SNX13: variants seen among roughly 807,000 people sequenced by gnomAD.
SNX13 encodes the protein sorting nexin-13.
SNX13 carries 45 observed loss-of-function variants against 133.6 expected under a neutral mutation model. That is an observed-to-expected ratio of 0.34 (90% confidence interval 0.27 to 0.43). SNX13 has a LOEUF of 0.43. SNX13 is among the 20% of genes least tolerant of loss of function. The probability of loss-of-function intolerance (pLI) is 1.00; values close to 1 mark genes in which losing one functional copy is unlikely to be tolerated. For synonymous variants in SNX13, 414 were observed against 373.9 expected, an observed-to-expected ratio of 1.11 and a Z score of -1.24; for missense variants, 1,032 against 1,145.1, an observed-to-expected ratio of 0.90 and a Z score of 1.43.
chr7:17,931,057 T>C (rs1409632690), intron 1 of SNX13, among the ~76,000 whole-genome samples: 2 of 152,178 alleles, frequency 1.3e-5, no homozygotes, highest in East Asian at 1.9e-4. Context: ...AGCCCATTTA[T>C]TTTACTCTCC....
intron 16 of SNX13, among the ~76,000 whole-genome samples, 178 bp from the exon 17 acceptor site, chr7:17,826,269 A>T (rs1305260871): frequency 6.6e-6 from 1 of 152,014 alleles, no homozygotes; most frequent in Non-Finnish European, 1.5e-5. Context: ...GGCTAACAGA[A>T]AAAAAGCAAA....
At chr7:17,939,493 GTTGCT>G (rs1221305367) in intron 1 of SNX13, among the ~76,000 whole-genome samples, 3 of 152,210 alleles carry the variant, frequency 2.0e-5, no homozygotes, top group Admixed American at 6.5e-5. Flanking sequence ...CCCTTAAAGT[GTTGCT>G]AGTAAAGGCA....
intron 1 of SNX13, among the ~76,000 whole-genome samples, chr7:17,936,842 A>G (rs1438781290): frequency 6.7e-6 from 1 of 148,748 alleles, no homozygotes. Flanking sequence ...AAAAAAAAGA[A>G]AAAAAAAGAA....
chr7:17,829,460 T>TA lies in SNX13; in HGVS notation c.1635+549dup, dbSNP rs1220502721. Among the ~76,000 whole-genome samples the TA allele has an allele frequency of 2.0e-5, 3 of 151,638 alleles. No individual in the cohort carries two copies. In the East Asian group the frequency reaches 5.8e-4, roughly 29 times the overall value. Reference sequence around the variant, plus strand: ...TTGAGATTCTAAAAACATGCCATTCTAACCTCTAATCATTAAGGATGTAGT... The same window carrying TA: ...TTGAGATTCTAAAAACATGCCATTCTAAACCTCTAATCATTAAGGATGTAGT... On this transcript the variant is annotated intron_variant, in intron 16 of 25. Coordinates refer to ENST00000428135, the MANE Select transcript of SNX13 (RefSeq NM_015132.5).
chr7:17,870,412 G>GA (rs1196903805), intron 8 of SNX13, among the ~76,000 whole-genome samples: 4 of 151,738 alleles, frequency 2.6e-5, no homozygotes, highest in East Asian at 1.9e-4. Context: ...AGAGCTAAAG[G>GA]AAAAAAAACT....
intron 1 of SNX13, among the ~76,000 whole-genome samples, chr7:17,925,834 T>C (rs1334618889): frequency 2.0e-5 from 3 of 151,526 alleles, no homozygotes; most frequent in Non-Finnish European, 4.4e-5. Flanking sequence ...GAGGAGAAAG[T>C]GGAGGAGGAA....
rs1013139810 is a variant in SNX13 at position 17,813,587 on chromosome 7, CT to C, written c.2064+1246del. On this transcript the variant is annotated intron_variant, in intron 20 of 25. Transcript: ENST00000428135. ...AATCCTGAAGTAATCATATGAACTC[CT>C]TTTTTTTTTTTTTTTTGAGACAGGG... is the stretch of plus-strand genomic sequence containing the variant. Among the ~76,000 whole-genome samples, 541 of 138,364 alleles carry C rather than the reference CT, an allele frequency of 3.9e-3. 2 individuals are homozygous for C. The highest frequency in any genetic ancestry group is 0.011 in the Middle Eastern group (3 of 278). The allele number at this position is 138,364 out of a possible 152,430, so 90.8% of individuals were successfully genotyped here. A position where few individuals can be genotyped will look rare whatever the true frequency, so the allele number is the denominator to read the frequency against.
chr7:17,803,266 T>C (rs545684564), intron 21 of SNX13, among the ~76,000 whole-genome samples, 153 bp downstream of exon 21: 165 of 152,334 alleles, frequency 1.1e-3, no homozygotes, highest in African/African-American at 3.8e-3. Context: ...AGAATTTTTC[T>C]CTTTAGTTCT....
intron 21 of SNX13, 115 bp from the exon 22 acceptor site, chr7:17,801,774 T>A: frequency 1.5e-6 from 1 of 663,084 alleles, no homozygotes; most frequent in South Asian, 2.9e-5. Context: ...TGGTACAATA[T>A]ATAAGCCAAA....
At chr7:17,866,688 T>C (rs1183503277) in intron 9 of SNX13, among the ~76,000 whole-genome samples, 1 of 152,138 alleles carries the variant, frequency 6.6e-6, no homozygotes, top group Non-Finnish European at 1.5e-5. Flanking sequence ...AGATACAGTG[T>C]CAAATAATGT....
intron 5 of SNX13, among the ~76,000 whole-genome samples, chr7:17,885,069 A>G (rs1310385675): frequency 6.6e-6 from 1 of 152,230 alleles, no homozygotes; most frequent in Non-Finnish European, 1.5e-5. Flanking sequence ...AGCATTATTC[A>G]TATGATTCAA....
chr7:17,927,229 GTGTATATATATATA>G (rs1031790955), intron 1 of SNX13, among the ~76,000 whole-genome samples: 6 of 149,644 alleles, frequency 4.0e-5, no homozygotes, highest in African/African-American at 7.3e-5. Context: ...GTGTGCATGT[GTGTATATATATATA>G]TGTATATATA....
chr7:17,796,849 C>T lies in SNX13; in HGVS notation c.2604G>A (p.Thr868=), dbSNP rs200328875. The T allele has an allele frequency of 4.7e-5, 75 of 1,609,562 alleles. No individual in the cohort carries two copies. Among genetic ancestry groups the T allele is most frequent in the Admixed American group, 3.5e-4 (21 of 59,838 alleles). ...IRMRTRVAGK[T]KLLAIMPDEL... The stretch of plus-strand genomic sequence containing the variant: ...CACCTGGCATAATTGCAAGTAATTT[C>T]GTTTTTCCTGCTACTCTTGTTCTCA... Residue 868 remains threonine, a synonymous_variant, in exon 25 of 26, where the codon ACG becomes ACA. Coordinates refer to ENST00000428135, the MANE Select transcript of SNX13 (RefSeq NM_015132.5).
chr7:17,896,256 A>G (rs1308846119), intron 2 of SNX13, among the ~76,000 whole-genome samples: 1 of 152,204 alleles, frequency 6.6e-6, no homozygotes, highest in Non-Finnish European at 1.5e-5. Flanking sequence ...GTTTCAGTAC[A>G]CAGTATCGTA....
intron 15 of SNX13, chr7:17,831,645 A>T (rs1415430582): frequency 3.0e-6 from 3 of 984,044 alleles, no homozygotes; most frequent in Admixed American, 6.2e-5. Flanking sequence ...AGACTACTTT[A>T]AAAAAATCAG....
At chr7:17,882,962 C>T in intron 5 of SNX13, 1 of 438,108 alleles carries the variant, frequency 2.3e-6, no homozygotes, top group Non-Finnish European at 3.8e-6. Context: ...AAAACAAAAA[C>T]AAAAACAAAA....
chr7:17,808,388 G>A (rs1438750187), intron 20 of SNX13, among the ~76,000 whole-genome samples: 1 of 152,140 alleles, frequency 6.6e-6, no homozygotes, highest in East Asian at 1.9e-4. Flanking sequence ...AATAAAGTGT[G>A]AAGACAAGAT....
intron 13 of SNX13, among the ~76,000 whole-genome samples, chr7:17,837,145 AT>A (rs1399695143): frequency 6.6e-6 from 1 of 151,794 alleles, no homozygotes; most frequent in African/African-American, 2.4e-5. Context: ...TAAAAAAAAA[AT>A]TTTTTAAGAG....
Position 17,907,758 on chromosome 7 carries a change from C to T in SNX13, c.13-10312G>A, listed in dbSNP as rs145238977. On this transcript the variant is annotated intron_variant, in intron 1 of 25. Transcript: ENST00000428135. Reference sequence around the variant, plus strand: ...TTTTGATTAAAGTTGGGAAAGCATACAGGAAATAAAAGGGACCAAGAAAAA... The same window carrying T: ...TTTTGATTAAAGTTGGGAAAGCATATAGGAAATAAAAGGGACCAAGAAAAA... Among the ~76,000 whole-genome samples the T allele has an allele frequency of 4.8e-3, 737 of 152,220 alleles. 5 individuals are homozygous for T. The highest frequency in any genetic ancestry group is 0.017 in the African/African-American group (709 of 41,518).
Sources: gnomAD v4.1 joint callset for allele counts (sites outside exome capture counted in the v4.1 genomes callset) on GRCh38, gnomAD v4.1.1 for gene constraint, MANE v1.5 for transcripts, NCBI Gene and HGNC (gene_info 2026-07-23, HGNC 2026-07-21) for gene names.